MAP2K6: variants seen among roughly 807,000 people sequenced by gnomAD.
MAP2K6 encodes dual specificity mitogen-activated protein kinase kinase 6.
MAP2K6 carries 16 observed loss-of-function variants against 53.7 expected under a neutral mutation model. The observed-to-expected ratio is 0.30, with a 90% CI of 0.20 to 0.45. The LOEUF (loss-of-function observed/expected upper bound fraction) is 0.45, where lower values mean the gene tolerates loss of function less well. Ranked by LOEUF, MAP2K6 falls within the 20% of genes least tolerant of loss-of-function variation. MAP2K6 has a pLI of 1.00. For missense variants in MAP2K6, 204 were observed against 411.9 expected, an observed-to-expected ratio of 0.50 and a Z score of 4.37; for synonymous variants, 132 against 143.1, an observed-to-expected ratio of 0.92 and a Z score of 0.55.
chr17:69,483,070 C>G (rs1280860091), intron 1 of MAP2K6, among the ~76,000 whole-genome samples: 1 of 151,876 alleles, frequency 6.6e-6, no homozygotes, highest in Non-Finnish European at 1.5e-5. Flanking sequence ...GATGTCTTTT[C>G]TTGCAATCTG....
At chr17:69,523,961 C>T (rs1473973303) in intron 8 of MAP2K6, among the ~76,000 whole-genome samples, 1 of 152,140 alleles carries the variant, frequency 6.6e-6, no homozygotes, top group Non-Finnish European at 1.5e-5. Context: ...CCAATGAGGG[C>T]TCACGTTTCT....
chr17:69,553,607 A>G lies in MAP2K6; in HGVS notation c.*11854A>G, dbSNP rs189174470. 3 of 152,380 alleles carry G rather than the reference A, an allele frequency of 2.0e-5. No homozygotes were observed. The highest frequency in any genetic ancestry group is 2.0e-4 in the Admixed American group (3 of 15,306). The allele number at this position is 152,380 out of a possible 1,614,324, so 9.4% of individuals were successfully genotyped here. The stretch of plus-strand genomic sequence containing the variant: ...TCTCCAGATGTGTGTATATGCGTGT[A>G]AAACTTCACACCGTGTGTGTTGTGT... On this transcript the variant is annotated 3_prime_UTR_variant, in exon 12 of 12. Coordinates refer to ENST00000590474, the MANE Select transcript of MAP2K6 (RefSeq NM_002758.4).
intron 1 of MAP2K6, among the ~76,000 whole-genome samples, chr17:69,429,017 A>G (rs1906366472): frequency 6.6e-6 from 1 of 151,786 alleles, no homozygotes; most frequent in African/African-American, 2.4e-5. Flanking sequence ...GACCTACACA[A>G]CACTCCCTGT....
chr17:69,448,244 GTT>G (rs66982276), intron 1 of MAP2K6, among the ~76,000 whole-genome samples: 31 of 138,882 alleles, frequency 2.2e-4, no homozygotes, highest in African/African-American at 2.9e-4. Flanking sequence ...TTTTGTTTTT[GTT>G]TTTTTTTTTT....
intron 1 of MAP2K6, chr17:69,502,570 A>G (rs1909224380): frequency 1.0e-6 from 1 of 985,098 alleles, no homozygotes; most frequent in Non-Finnish European, 1.2e-6. Context: ...AGGAGCTGAT[A>G]TACTTGGAAA....
At chr17:69,483,588 A>C (rs1316500306) in intron 1 of MAP2K6, among the ~76,000 whole-genome samples, 1 of 152,076 alleles carries the variant, frequency 6.6e-6, no homozygotes, top group Non-Finnish European at 1.5e-5. Flanking sequence ...CTTTGCAGAA[A>C]TTGATAGGCT....
rs1330329950 is a variant in MAP2K6, at chr17:69,545,238, A to G, written c.*3485A>G. On this transcript the variant is annotated 3_prime_UTR_variant, in exon 12 of 12. Coordinates refer to ENST00000590474, the MANE Select transcript of MAP2K6 (RefSeq NM_002758.4). ...AGAATAAGTGTAATCTCCCAAAATG[A>G]CTACTTTGAAGGAGATAGAACCCCC... The G allele has an allele frequency of 1.3e-5, 2 of 152,070 alleles. No homozygotes were observed. The highest frequency in any genetic ancestry group is 4.8e-5 in the African/African-American group (2 of 41,380). 9.4% of individuals were successfully genotyped at this position (152,070 alleles called of 1,614,324 possible). A position where few individuals can be genotyped will look rare whatever the true frequency, so the allele number is the denominator to read the frequency against.
intron 11 of MAP2K6, 42 bp from the exon 12 acceptor site, chr17:69,541,634 C>A: frequency 1.4e-6 from 2 of 1,406,244 alleles, no homozygotes; most frequent in South Asian, 2.3e-5. Context: ...TATTGATTGT[C>A]AGTAAGACAT....
intron 1 of MAP2K6, among the ~76,000 whole-genome samples, chr17:69,439,820 C>A (rs1165721808): frequency 1.3e-5 from 2 of 152,164 alleles, no homozygotes. Context: ...GCTAAAATAG[C>A]TACTTTAGCT....
At chr17:69,456,113 G>T (rs1038787330) in intron 1 of MAP2K6, among the ~76,000 whole-genome samples, 1 of 152,016 alleles carries the variant, frequency 6.6e-6, no homozygotes, top group Non-Finnish European at 1.5e-5. Context: ...CGCCCGCATC[G>T]GCCTCCCAAA....
intron 1 of MAP2K6, 63 bp downstream of exon 1, chr17:69,415,063 T>C: frequency 1.4e-6 from 2 of 1,454,250 alleles, no homozygotes; most frequent in African/African-American, 1.4e-5. Context: ...TATGAATGCA[T>C]GGATGCAATT....
rs1911994023 is a variant in MAP2K6, at chr17:69,549,089, C to T, written c.*7336C>T. ...TGGGACTTTCAGTATCTTGACATCA[C>T]TTGTATTATCATTTGAACTTGGACA... On this transcript the variant is annotated 3_prime_UTR_variant, in exon 12 of 12. Coordinates refer to ENST00000590474, the MANE Select transcript of MAP2K6 (RefSeq NM_002758.4). The T allele has an allele frequency of 6.6e-6, 1 of 152,098 alleles. No homozygotes were observed. Among genetic ancestry groups the T allele is most frequent in the South Asian group, 2.1e-4 (1 of 4,832 alleles). 9.4% of individuals were successfully genotyped at this position (152,098 alleles called of 1,614,324 possible). A position where few individuals can be genotyped will look rare whatever the true frequency, so the allele number is the denominator to read the frequency against.
At chr17:69,506,506 C>G (rs1475418458) in intron 2 of MAP2K6, among the ~76,000 whole-genome samples, 2 of 151,696 alleles carry the variant, frequency 1.3e-5, no homozygotes, top group Admixed American at 6.6e-5. Context: ...AAGGCATCTG[C>G]ATGAGAGGAA....
intron 1 of MAP2K6, among the ~76,000 whole-genome samples, chr17:69,503,990 C>T (rs1909319025): frequency 6.6e-6 from 1 of 152,174 alleles, no homozygotes; most frequent in Non-Finnish European, 1.5e-5. Flanking sequence ...CCTGCCCCCT[C>T]TCCAGTCATC....
intron 7 of MAP2K6, among the ~76,000 whole-genome samples, chr17:69,522,209 C>T (rs2715826): frequency 0.65 from 98,831 of 151,978 alleles, 32,920 homozygotes; most frequent in African/African-American, 0.8. Flanking sequence ...ATGTAAAATG[C>T]CTTCCACAGT....
At chr17:69,540,656 G>A (rs1163349075) in intron 11 of MAP2K6, among the ~76,000 whole-genome samples, 1 of 152,198 alleles carries the variant, frequency 6.6e-6, no homozygotes, top group African/African-American at 2.4e-5. Context: ...CAAAGCATAA[G>A]ACTTGTTATG....
chr17:69,457,889 T>C (rs1907471141), intron 1 of MAP2K6, among the ~76,000 whole-genome samples: 1 of 152,180 alleles, frequency 6.6e-6, no homozygotes, highest in Non-Finnish European at 1.5e-5. Context: ...CTTCTAGCAA[T>C]GTCTGCAGAA....
intron 1 of MAP2K6, among the ~76,000 whole-genome samples, chr17:69,500,894 G>C (rs1909145750): frequency 6.6e-6 from 1 of 152,222 alleles, no homozygotes; most frequent in Admixed American, 6.5e-5. Context: ...GAGGATGGCA[G>C]AGTCCCTGTT....
At chr17:69,512,589 A>T (rs1038199078) in intron 2 of MAP2K6, among the ~76,000 whole-genome samples, 2 of 152,006 alleles carry the variant, frequency 1.3e-5, no homozygotes, top group African/African-American at 4.8e-5. Flanking sequence ...CACCTGCCTC[A>T]GCCTCCCGAA....
Sources: gnomAD v4.1 joint callset for allele counts (sites outside exome capture counted in the v4.1 genomes callset) on GRCh38, gnomAD v4.1.1 for gene constraint, MANE v1.5 for transcripts, NCBI Gene and HGNC (gene_info 2026-07-23, HGNC 2026-07-21) for gene names.